Variants in RASEF observed in about 807,000 individuals in gnomAD.
RASEF encodes ras and EF-hand domain-containing protein.
Under a neutral mutation model 90.1 loss-of-function variants are expected in RASEF, and 68 were observed. The ratio of observed to expected loss-of-function variants is 0.75; its 90% CI spans 0.62 to 0.92. RASEF has a LOEUF of 0.92. Ranked by LOEUF, RASEF falls within the 40% of genes least tolerant of loss-of-function variation. The pLI, the probability that RASEF is intolerant of heterozygous loss-of-function variation, is 0.00. For missense variants in RASEF, 949 were observed against 937.2 expected, an observed-to-expected ratio of 1.01 and a Z score of -0.16; for synonymous variants, 331 against 345.2, an observed-to-expected ratio of 0.96 and a Z score of 0.46.
the RASEF span, among the ~76,000 whole-genome samples, chr9:83,144,391 G>GGAAGGAAAGAAAGAAAGAAA: frequency 6.1e-3 from 203 of 33,242 alleles, 7 homozygotes; most frequent in East Asian, 0.036. Context: ...AAGAAAGAAA[G>GGAAGGAAAGAAAGAAAGAAA]GAAAGAAAGA....
the RASEF span, among the ~76,000 whole-genome samples, chr9:83,182,244 G>A: frequency 8.9e-3 from 1,358 of 152,288 alleles, 16 homozygotes; most frequent in African/African-American, 0.03. Flanking sequence ...CAAGTGTGCT[G>A]CTTCCAGCCA....
intron 1 of RASEF, chr9:83,055,436 CCACT>C (rs1830085678): frequency 1.6e-6 from 1 of 621,976 alleles, no homozygotes. Context: ...TGGCCTGCGC[CCACT>C]GTCTCGCACT....
chr9:83,011,576 A>AAAAAG (rs1554707057), intron 5 of RASEF, among the ~76,000 whole-genome samples: 1 of 147,888 alleles, frequency 6.8e-6, no homozygotes, highest in African/African-American at 2.5e-5. Context: ...AAAAAAAAAA[A>AAAAAG]CTGAAATTTT....
At chr9:83,001,699 C>T (rs150105942) in intron 9 of RASEF, among the ~76,000 whole-genome samples, 1 of 152,304 alleles carries the variant, frequency 6.6e-6, no homozygotes, top group East Asian at 1.9e-4. Context: ...AGACCACATC[C>T]TCTCAGGTTG....
chr9:83,122,046 GAAGT>G, the RASEF span, among the ~76,000 whole-genome samples: 1 of 152,192 alleles, frequency 6.6e-6, no homozygotes, highest in East Asian at 1.9e-4. Flanking sequence ...TACATAATAA[GAAGT>G]GTTATTATTT....
At chr9:83,215,440 G>T in the RASEF span, among the ~76,000 whole-genome samples, 2 of 152,142 alleles carry the variant, frequency 1.3e-5, no homozygotes, top group Non-Finnish European at 2.9e-5. Flanking sequence ...CCCCTAGACA[G>T]TAGACACTAC....
At chr9:83,033,196 A>G (rs1829676739) in intron 1 of RASEF, among the ~76,000 whole-genome samples, 1 of 152,220 alleles carries the variant, frequency 6.6e-6, no homozygotes, top group African/African-American at 2.4e-5. Context: ...CACTGATGCT[A>G]AGATCCTAGC....
intron 16 of RASEF, among the ~76,000 whole-genome samples, chr9:82,985,996 T>G (rs1358761243): frequency 6.6e-6 from 1 of 152,078 alleles, no homozygotes; most frequent in Non-Finnish European, 1.5e-5. Flanking sequence ...CTTATGGAAT[T>G]TTAAAAAGAC....
chr9:83,156,638 C>T, the RASEF span, among the ~76,000 whole-genome samples: 2 of 152,212 alleles, frequency 1.3e-5, no homozygotes, highest in African/African-American at 2.4e-5. Flanking sequence ...TCTTTGACTA[C>T]CTTCACTTAA....
Position 83,062,544 on chromosome 9 carries a change from G to C in RASEF, c.324C>G (p.Asp108Glu). Residue 108 changes from aspartate to glutamate, a missense_variant, in exon 1 of 17, where the codon GAC (aspartate) becomes GAG (glutamate). By Grantham distance (45) the Asp-to-Glu change is conservative. Coordinates refer to ENST00000376447, the MANE Select transcript of RASEF (RefSeq NM_152573.4). ...TGGCCAGCGCCGCCGCCGCGTCCTC[G>C]TCGCCTTCGTCCTCCTCGCTGTCGT... ...ETHDSEEDEG[D>E]EDAAAALATS... The C allele has an allele frequency of 4.4e-6, 7 of 1,603,926 alleles. No individual in the cohort carries two copies. Among genetic ancestry groups the C allele is most frequent in the Non-Finnish European group, 5.1e-6 (6 of 1,175,618 alleles).
chr9:83,216,702 C>T, the RASEF span, among the ~76,000 whole-genome samples: 1 of 152,150 alleles, frequency 6.6e-6, no homozygotes, highest in Non-Finnish European at 1.5e-5. Context: ...GGGGCACTGC[C>T]TAGTGGAGCT....
chr9:83,187,108 C>T, the RASEF span, among the ~76,000 whole-genome samples: 4 of 152,122 alleles, frequency 2.6e-5, no homozygotes, highest in African/African-American at 9.7e-5. Flanking sequence ...CTAGCAAACC[C>T]TAAACTGTTC....
chr9:83,119,729 G>A, the RASEF span, among the ~76,000 whole-genome samples: 2 of 152,178 alleles, frequency 1.3e-5, no homozygotes, highest in Non-Finnish European at 2.9e-5. Context: ...TGCTATGGGA[G>A]GGACCCAGTG....
At chr9:82,983,120 C>G (rs1026103382) in intron 16 of RASEF, among the ~76,000 whole-genome samples, 2 of 133,704 alleles carry the variant, frequency 1.5e-5, no homozygotes, top group African/African-American at 6.2e-5. Flanking sequence ...CACACACACA[C>G]ACACACACAC....
chr9:83,163,146 G>A, the RASEF span, among the ~76,000 whole-genome samples: 1 of 152,134 alleles, frequency 6.6e-6, no homozygotes, highest in Non-Finnish European at 1.5e-5. Context: ...TTCCACCTAA[G>A]GAGAAGGAAA....
At chr9:83,007,574 C>A in intron 6 of RASEF, 69 bp from the exon 7 acceptor site, 1 of 1,087,838 alleles carries the variant, frequency 9.2e-7, no homozygotes, top group Non-Finnish European at 1.4e-6. Context: ...TACCTACCCT[C>A]CCAGACCCTT....
chr9:83,133,920 T>C, the RASEF span, among the ~76,000 whole-genome samples: 38 of 152,138 alleles, frequency 2.5e-4, no homozygotes, highest in Admixed American at 1.1e-3. Context: ...AAGAAACCAA[T>C]GCTTATTTTA....
intron 4 of RASEF, among the ~76,000 whole-genome samples, chr9:83,014,464 T>G (rs1829306326): frequency 6.6e-6 from 1 of 152,138 alleles, no homozygotes; most frequent in South Asian, 2.1e-4. Flanking sequence ...CCACATGCAG[T>G]TAATTTTTAA....
At chr9:83,076,182 T>A in the RASEF span, among the ~76,000 whole-genome samples, 2 of 144,418 alleles carry the variant, frequency 1.4e-5, no homozygotes, top group African/African-American at 5.3e-5. Context: ...AAAAAAAAAA[T>A]CTAAAGCCAC....
Sources: gnomAD v4.1 joint callset for allele counts (sites outside exome capture counted in the v4.1 genomes callset) on GRCh38, gnomAD v4.1.1 for gene constraint, MANE v1.5 for transcripts, NCBI Gene and HGNC (gene_info 2026-07-23, HGNC 2026-07-21) for gene names.